The following KIF2A variants were observed in gnomAD, a reference collection of about 807,000 sequenced individuals.
KIF2A encodes kinesin-like protein KIF2A.
A neutral mutation model predicts 100.2 loss-of-function variants in KIF2A; 22 were observed. The observed-to-expected ratio is 0.22, with a 90% confidence interval of 0.16 to 0.31. The LOEUF is 0.31. Among genes scored for constraint, KIF2A ranks in the 10% least tolerant of loss-of-function variants. The pLI, the probability that KIF2A is intolerant of heterozygous loss-of-function variation, is 1.00. For synonymous variants in KIF2A, 268 were observed against 285.9 expected (o/e 0.94, Z 0.63); for missense variants, 495 against 898.7 (o/e 0.55, Z 5.74).
chr5:62,363,214 G>A lies in KIF2A; in HGVS notation c.1156G>A (p.Val386Ile). ...GCTAAACAGGAAAACAAAATTAAGA[G>A]TTCTAGAAGATGGAAAACAGCAGGT... ...DLLNRKTKLRVLEDGKQQVQV... is the reference protein window; with the variant it reads ...DLLNRKTKLRILEDGKQQVQV... The change falls in exon 13 of 21, where the codon GTT becomes ATT. Residue 386 changes from valine to isoleucine, a missense_variant. Coordinates refer to ENST00000407818, the MANE Select transcript of KIF2A (RefSeq NM_001098511.3). The A allele has an allele frequency of 3.7e-6, 6 of 1,612,396 alleles. No homozygotes were observed. Among genetic ancestry groups the A allele is most frequent in the Non-Finnish European group, 5.1e-6 (6 of 1,179,064 alleles).
At chr5:62,352,128 G>A (rs1483921845) in intron 4 of KIF2A, among the ~76,000 whole-genome samples, 1 of 149,612 alleles carries the variant, frequency 6.7e-6, no homozygotes, top group Non-Finnish European at 1.5e-5. Context: ...ACTCCAACCT[G>A]GGCAACAGAG....
chr5:62,307,548 G>A (rs1271791164), intron 1 of KIF2A, among the ~76,000 whole-genome samples: 1 of 152,002 alleles, frequency 6.6e-6, no homozygotes, highest in Non-Finnish European at 1.5e-5. Context: ...TTTTCTTTCG[G>A]TACCAATATT....
chr5:62,384,979 C>T (rs1741950430), intron 20 of KIF2A, among the ~76,000 whole-genome samples: 1 of 152,030 alleles, frequency 6.6e-6, no homozygotes, highest in Non-Finnish European at 1.5e-5. Context: ...CCCGTATCTA[C>T]TAAAAATACA....
intron 1 of KIF2A, among the ~76,000 whole-genome samples, chr5:62,343,075 A>G (rs948413652): frequency 6.6e-6 from 1 of 152,164 alleles, no homozygotes; most frequent in Non-Finnish European, 1.5e-5. Context: ...TTCTGTGCTC[A>G]GTCCTCTTTC....
chr5:62,322,083 C>G (rs1746120559), intron 1 of KIF2A, among the ~76,000 whole-genome samples: 1 of 151,808 alleles, frequency 6.6e-6, no homozygotes, highest in African/African-American at 2.4e-5. Flanking sequence ...CCTTGCCTGG[C>G]TAATTTTTTT....
At position 62,306,444 on chromosome 5, in the gene KIF2A, G is replaced by A. The variant is rs749977725; in HGVS notation, c.-29G>A. 3 of 1,330,714 alleles carry A rather than the reference G, an allele frequency of 2.3e-6. No individual in the cohort carries two copies. The South Asian group carries it at 4.1e-5, about 18-fold the overall frequency. 82.4% of individuals were successfully genotyped at this position (1,330,714 alleles called of 1,614,324 possible). ...TTCCGCCCTCCGGTCCCCCTCCCTC[G>A]GCCCGCTGCTGCTGCTCCAGATGAG... On this transcript the variant is annotated 5_prime_UTR_variant, in exon 1 of 21. Transcript: ENST00000407818.
chr5:62,375,260 A>G (rs1235729395), intron 18 of KIF2A, among the ~76,000 whole-genome samples: 1 of 152,178 alleles, frequency 6.6e-6, no homozygotes, highest in Non-Finnish European at 1.5e-5. Flanking sequence ...TAAAATGCAT[A>G]TTCTGCATAG....
chr5:62,358,367 A>G (rs901245330), intron 9 of KIF2A, 68 bp downstream of exon 9: 9 of 1,007,942 alleles, frequency 8.9e-6, no homozygotes, highest in Non-Finnish European at 1.0e-5. Context: ...CTTGAAATTT[A>G]CATTGATTGT....
At chr5:62,316,360 A>AGG (rs1745818538) in intron 1 of KIF2A, among the ~76,000 whole-genome samples, 2 of 152,198 alleles carry the variant, frequency 1.3e-5, no homozygotes, top group East Asian at 3.8e-4. Context: ...CTTGAAATGC[A>AGG]GCTGCTCTTT....
chr5:62,357,343 C>G (rs1220981073), intron 7 of KIF2A, among the ~76,000 whole-genome samples: 3 of 152,158 alleles, frequency 2.0e-5, no homozygotes, highest in Non-Finnish European at 4.4e-5. Context: ...CTTAGCCTCC[C>G]AAAGTGCTGG....
chr5:62,354,822 C>T (rs1159615433), intron 6 of KIF2A, among the ~76,000 whole-genome samples: 3 of 152,094 alleles, frequency 2.0e-5, no homozygotes, highest in Non-Finnish European at 2.9e-5. Flanking sequence ...AGCATTATTT[C>T]TCTGTTGCTG....
rs760274682 is a variant in KIF2A, at chr5:62,388,969, ATTTCT to A, written c.*3407_*3411del. The A allele has an allele frequency of 5.1e-6, 8 of 1,563,858 alleles. No homozygotes were observed. The African/African-American group carries it at 6.8e-5, about 13-fold the overall frequency. On this transcript the variant is annotated 3_prime_UTR_variant, in exon 21 of 21. Coordinates refer to ENST00000407818, the MANE Select transcript of KIF2A (RefSeq NM_001098511.3). Reference sequence around the variant, plus strand: ...CTCAAATACAAAAAATACAAAATTCATTTCTTTTCTTGACCTTGAAAATTTCTGTT... The same window carrying A: ...CTCAAATACAAAAAATACAAAATTCATTTCTTGACCTTGAAAATTTCTGTT...
intron 16 of KIF2A, among the ~76,000 whole-genome samples, chr5:62,372,096 A>ATGGTACTGACTACATGAAGAAATTAGAT (rs1741350486): frequency 2.6e-5 from 4 of 152,228 alleles, no homozygotes; most frequent in Non-Finnish European, 5.9e-5. Flanking sequence ...ACAAATAGTC[A>ATGGTACTGACTACATGAAGAAATTAGAT]TGGTACTGAC....
Position 62,306,384 on chromosome 5 carries a change from C to CCCCAA in KIF2A, c.-86_-85insAACCC. On this transcript the variant is annotated 5_prime_UTR_variant, in exon 1 of 21. Coordinates refer to ENST00000407818, the MANE Select transcript of KIF2A (RefSeq NM_001098511.3). Reference sequence around the variant, plus strand: ...CCGGCGCGGCCGCGGGCAACCGCTCCCCCTCCCACACCTACCCCGCCCCCT... The same window carrying CCCCAA: ...CCGGCGCGGCCGCGGGCAACCGCTCCCCCAACCCTCCCACACCTACCCCGCCCCCT... 1 of 937,254 alleles carries CCCCAA rather than the reference C, an allele frequency of 1.1e-6. No individual in the cohort carries two copies. Among genetic ancestry groups the CCCCAA allele is most frequent in the Non-Finnish European group, 1.6e-6 (1 of 616,106 alleles). The allele number at this position is 937,254 out of a possible 1,614,324, so 58.1% of individuals were successfully genotyped here.
chr5:62,349,318 T>A, intron 3 of KIF2A, among the ~76,000 whole-genome samples: 1 of 151,544 alleles, frequency 6.6e-6, no homozygotes, highest in East Asian at 1.9e-4. Context: ...AAAATATTTT[T>A]AAAGTATTAA....
intron 20 of KIF2A, 75 bp from the exon 21 acceptor site, chr5:62,385,409 A>T: frequency 1.0e-6 from 1 of 995,612 alleles, no homozygotes; most frequent in Non-Finnish European, 1.5e-6. Flanking sequence ...AGCTGACTTG[A>T]TTGAACCCAT....
At chr5:62,323,852 A>G (rs1746230509) in intron 1 of KIF2A, among the ~76,000 whole-genome samples, 1 of 152,108 alleles carries the variant, frequency 6.6e-6, no homozygotes. Context: ...AGCCTGGGCA[A>G]CATGGCAAAA....
At chr5:62,378,175 T>C (rs557133555) in intron 19 of KIF2A, among the ~76,000 whole-genome samples, 1 of 152,340 alleles carries the variant, frequency 6.6e-6, no homozygotes, top group South Asian at 2.1e-4. Flanking sequence ...CTTCAGGAGA[T>C]GGAGAGTTAC....
At position 62,362,503 on chromosome 5, in the gene KIF2A, C is replaced by A; in HGVS notation, c.1081C>A (p.Gln361Lys). ...KKPNYKKLEL[Q>K]VYATFFEIYS... ...GCCAAACTATAAGAAGCTAGAACTT[C>A]AAGTATATGCAACCTTCTTTGAAAT... Residue 361 changes from glutamine to lysine, a missense_variant, in exon 12 of 21, where the codon CAA (glutamine) becomes AAA (lysine). By Grantham distance (53) the Gln-to-Lys change is moderately conservative (BLOSUM62 1). Around this residue, in one of 10 missense-constraint regions of KIF2A, gnomAD observed 22 missense variants for 19.3 expected, o/e 1.14. Transcript: ENST00000407818. 6.9e-7 allele frequency: 1 copy of A among 1,456,050 alleles called. No individual in the cohort carries two copies. The highest frequency in any genetic ancestry group is 9.0e-7 in the Non-Finnish European group (1 of 1,105,798). The allele number at this position is 1,456,050 out of a possible 1,614,324, so 90.2% of individuals were successfully genotyped here. A position where few individuals can be genotyped will look rare whatever the true frequency, so the allele number is the denominator to read the frequency against.
Sources: allele counts gnomAD v4.1 joint callset (sites outside exome capture counted in the v4.1 genomes callset), GRCh38; gene constraint gnomAD v4.1.1; regional missense constraint gnomAD v4.1.1; transcripts MANE v1.5; gene names NCBI Gene and HGNC (gene_info 2026-07-23, HGNC 2026-07-21).